Variants in GSG1L observed in about 807,000 individuals in gnomAD.
The protein encoded by GSG1L is GSG1 like.
Under a neutral mutation model 42.1 loss-of-function variants are expected in GSG1L, and 24 were observed. The observed-to-expected ratio is 0.57, with a 90% CI of 0.41 to 0.80. The LOEUF is 0.80. GSG1L is among the 30% of genes least tolerant of loss of function. The probability of loss-of-function intolerance (pLI) is 0.00; values close to 1 mark genes in which losing one functional copy is unlikely to be tolerated. For missense variants in GSG1L, 445 were observed against 472.2 expected (o/e 0.94, Z 0.53); for synonymous variants, 215 against 203.5 (o/e 1.06, Z -0.48).
At chr16:28,057,967 C>T (rs1335225329) in intron 1 of GSG1L, among the ~76,000 whole-genome samples, 1 of 152,180 alleles carries the variant, frequency 6.6e-6, no homozygotes, top group Non-Finnish European at 1.5e-5. Flanking sequence ...ATTTTACACA[C>T]AAGGAAAGAA....
At chr16:28,021,424 T>C (rs910713945) in intron 1 of GSG1L, among the ~76,000 whole-genome samples, 1 of 152,192 alleles carries the variant, frequency 6.6e-6, no homozygotes, top group African/African-American at 2.4e-5. Flanking sequence ...AGTGCTCCTA[T>C]GGCTACTTCC....
intron 6 of GSG1L, among the ~76,000 whole-genome samples, chr16:27,794,660 A>G (rs73517352): frequency 0.022 from 3,402 of 152,216 alleles, 129 homozygotes; most frequent in African/African-American, 0.078. Context: ...GAAAATCTGG[A>G]TCTCGAAACA....
Position 27,791,439 on chromosome 16 carries a change from C to A in GSG1L, c.927G>T (p.Trp309Cys). The A allele has an allele frequency of 6.6e-7, 1 of 1,515,434 alleles. No individual in the cohort carries two copies. Among genetic ancestry groups the A allele is most frequent in the Admixed American group, 2.0e-5 (1 of 50,250 alleles). 93.9% of individuals were successfully genotyped at this position (1,515,434 alleles called of 1,614,324 possible). A position where few individuals can be genotyped will look rare whatever the true frequency, so the allele number is the denominator to read the frequency against. The part of the protein sequence containing the change: ...ARHQPHMADS[W>C]PRSSAQEAPE... ...GTGCTTCCTGTGCGGAGCTCCGGGG[C>A]CAGGAATCCGCCATGTGTGGCTGGT... Residue 309 changes from tryptophan (W) to cysteine (C), a missense_variant, in exon 7 of 7, where the codon TGG (tryptophan) becomes TGT (cysteine). Physicochemically the swap from Trp to Cys is radical, Grantham distance 215 (BLOSUM62 -2). Around this residue, in one of 3 missense-constraint regions of GSG1L, gnomAD observed 140 missense variants for 120.6 expected, o/e 1.16. Coordinates refer to ENST00000447459, the MANE Select transcript of GSG1L (RefSeq NM_001109763.2).
chr16:27,979,655 GAAAGAAAGAGAGAGAGAGAGAGA>G (rs2085292026), intron 1 of GSG1L, among the ~76,000 whole-genome samples: 1 of 63,106 alleles, frequency 1.6e-5, no homozygotes. Flanking sequence ...AAGAAAGAAA[GAAAGAAAGAGAGAGAGAGAGAGA>G]GAAAGAAAGA....
At chr16:28,006,663 C>A (rs1033799922) in intron 1 of GSG1L, among the ~76,000 whole-genome samples, 2 of 152,144 alleles carry the variant, frequency 1.3e-5, no homozygotes, top group Non-Finnish European at 2.9e-5. Context: ...GCCTGCAGAA[C>A]TGTAAGATAA....
At chr16:27,962,354 T>G (rs2085081184) in intron 2 of GSG1L, among the ~76,000 whole-genome samples, 1 of 152,200 alleles carries the variant, frequency 6.6e-6, no homozygotes, top group Non-Finnish European at 1.5e-5. Flanking sequence ...GAGTTTGCCC[T>G]TCCTGCATCC....
At chr16:27,980,747 T>A (rs929907551) in intron 1 of GSG1L, among the ~76,000 whole-genome samples, 2 of 152,010 alleles carry the variant, frequency 1.3e-5, no homozygotes, top group African/African-American at 4.8e-5. Flanking sequence ...CCAGGCACGA[T>A]GGCACATGCC....
intron 1 of GSG1L, among the ~76,000 whole-genome samples, chr16:28,060,811 G>T (rs1351963500): frequency 6.6e-6 from 1 of 152,132 alleles, no homozygotes. Context: ...AGCAGGACCT[G>T]GTGAACGTTA....
intron 1 of GSG1L, among the ~76,000 whole-genome samples, chr16:28,044,416 T>C (rs1411289498): frequency 6.6e-6 from 1 of 152,234 alleles, no homozygotes; most frequent in Non-Finnish European, 1.5e-5. Context: ...TGGTAGTTAG[T>C]TGGCGTTAAA....
chr16:28,023,325 A>T (rs1404204795), intron 1 of GSG1L, among the ~76,000 whole-genome samples: 1 of 152,154 alleles, frequency 6.6e-6, no homozygotes, highest in Non-Finnish European at 1.5e-5. Flanking sequence ...GCTGCAGCAC[A>T]TTCTATAGAA....
At chr16:27,862,246 C>G (rs902690636) in intron 3 of GSG1L, among the ~76,000 whole-genome samples, 8 of 152,144 alleles carry the variant, frequency 5.3e-5, no homozygotes, top group African/African-American at 1.7e-4. Context: ...AAGTAAGTAG[C>G]CATATTTGAG....
At chr16:27,928,785 C>T (rs1432813394) in intron 2 of GSG1L, among the ~76,000 whole-genome samples, 1 of 152,206 alleles carries the variant, frequency 6.6e-6, no homozygotes, top group African/African-American at 2.4e-5. Context: ...GATCTCTATC[C>T]CAAGAGACCA....
At chr16:27,853,033 C>G (rs559964979) in intron 3 of GSG1L, among the ~76,000 whole-genome samples, 189 of 152,312 alleles carry the variant, frequency 1.2e-3, no homozygotes, top group African/African-American at 4.2e-3. Context: ...CCAGGAGAAG[C>G]TGTTGGGACT....
chr16:28,039,683 A>T (rs529005712), intron 1 of GSG1L, among the ~76,000 whole-genome samples: 84 of 151,736 alleles, frequency 5.5e-4, no homozygotes, highest in Non-Finnish European at 1.0e-3. Flanking sequence ...GTATGCACAC[A>T]TGCACGCGCA....
chr16:27,894,746 G>A (rs1399192664), intron 2 of GSG1L, among the ~76,000 whole-genome samples: 7 of 152,198 alleles, frequency 4.6e-5, no homozygotes, highest in African/African-American at 1.4e-4. Context: ...GGGTCACTGA[G>A]CCCCCAGCCC....
At position 27,788,625 on chromosome 16, in the gene GSG1L, C is replaced by A. The variant is rs928574644; in HGVS notation, c.*2745G>T. ...TACTCTTGCCTGGCTGATGCCCAGA[C>A]AATCTTCATGTCTTGGCTTAGACAT... On this transcript the variant is annotated 3_prime_UTR_variant, in exon 7 of 7. Transcript: ENST00000447459. 6.6e-6 allele frequency: 1 copy of A among 152,208 alleles called. No homozygotes were observed. The highest frequency in any genetic ancestry group is 1.5e-5 in the Non-Finnish European group (1 of 68,054). The allele number at this position is 152,208 out of a possible 1,614,324, so 9.4% of individuals were successfully genotyped here. A position where few individuals can be genotyped will look rare whatever the true frequency, so the allele number is the denominator to read the frequency against.
chr16:27,965,028 AT>A (rs1226633805), intron 1 of GSG1L, among the ~76,000 whole-genome samples: 1 of 152,068 alleles, frequency 6.6e-6, no homozygotes, highest in Admixed American at 6.6e-5. Flanking sequence ...AATTTGTTTT[AT>A]TTTATTTGAG....
chr16:27,817,959 A>C (rs867343232), intron 5 of GSG1L, among the ~76,000 whole-genome samples: 8 of 152,160 alleles, frequency 5.3e-5, no homozygotes, highest in South Asian at 2.1e-4. Context: ...CCTCCAGCCC[A>C]GTACTTCGCA....
At chr16:28,048,485 C>T (rs1357964263) in intron 1 of GSG1L, among the ~76,000 whole-genome samples, 1 of 152,078 alleles carries the variant, frequency 6.6e-6, no homozygotes, top group African/African-American at 2.4e-5. Context: ...TGGTCTCTAA[C>T]TCCTGGTTTC....
Sources: gnomAD v4.1 joint callset for allele counts (sites outside exome capture counted in the v4.1 genomes callset) on GRCh38, gnomAD v4.1.1 for gene constraint, gnomAD v4.1.1 regional missense constraint, MANE v1.5 for transcripts, NCBI Gene and HGNC (gene_info 2026-07-23, HGNC 2026-07-21) for gene names.